The following GAB1 variants were observed in gnomAD, a reference collection of about 807,000 sequenced individuals.
The protein encoded by GAB1 is GRB2 associated binding protein 1.
In GAB1, 19 loss-of-function variants were observed where a neutral mutation model predicts 66.5. That is an observed-to-expected ratio of 0.29 (90% CI 0.20 to 0.42). The LOEUF (loss-of-function observed/expected upper bound fraction) is 0.42. Among genes scored for constraint, GAB1 ranks in the 10% least tolerant of loss-of-function variants. GAB1 has a pLI of 1.00. For missense variants in GAB1, 732 were observed against 858.5 expected (o/e 0.85, Z 1.84); for synonymous variants, 294 against 301.4 (o/e 0.98, Z 0.25).
chr4:143,409,380 G>T (rs1732237425), intron 1 of GAB1, among the ~76,000 whole-genome samples: 1 of 146,378 alleles, frequency 6.8e-6, no homozygotes. Context: ...TAACAACTTT[G>T]AACTTTCCCC....
chr4:143,443,709 A>G (rs1734359151), intron 6 of GAB1, among the ~76,000 whole-genome samples: 1 of 152,216 alleles, frequency 6.6e-6, no homozygotes, highest in African/African-American at 2.4e-5. Context: ...AGCTCCATAT[A>G]ACTAGTTCAT....
intron 2 of GAB1, among the ~76,000 whole-genome samples, chr4:143,432,508 T>C (rs1400043049): frequency 1.3e-5 from 2 of 152,108 alleles, no homozygotes; most frequent in African/African-American, 2.4e-5. Flanking sequence ...CAAAGCGAGA[T>C]GGGGTCTTTC....
intron 6 of GAB1, among the ~76,000 whole-genome samples, chr4:143,451,315 G>A (rs1328611542): frequency 6.6e-6 from 1 of 152,100 alleles, no homozygotes; most frequent in African/African-American, 2.4e-5. Flanking sequence ...GCCCAGAGTC[G>A]TGGGGAGGTA....
At chr4:143,381,719 A>C (rs886541476) in intron 1 of GAB1, among the ~76,000 whole-genome samples, 2 of 152,178 alleles carry the variant, frequency 1.3e-5, no homozygotes, top group African/African-American at 4.8e-5. Flanking sequence ...AATCGTGTGG[A>C]ATGACTATAG....
At chr4:143,421,446 G>A (rs752092527) in intron 2 of GAB1, among the ~76,000 whole-genome samples, 1 of 152,028 alleles carries the variant, frequency 6.6e-6, no homozygotes, top group East Asian at 1.9e-4. Flanking sequence ...CAGTACAGAC[G>A]TATATTTAGC....
At chr4:143,415,001 G>A (rs1732603248) in intron 1 of GAB1, among the ~76,000 whole-genome samples, 1 of 151,998 alleles carries the variant, frequency 6.6e-6, no homozygotes, top group South Asian at 2.1e-4. Flanking sequence ...CGCAGGGCCT[G>A]ACAAATACCA....
chr4:143,425,147 G>A lies in GAB1; in HGVS notation c.368-8344G>A. On this transcript the variant is annotated intron_variant, in intron 2 of 9. Transcript: ENST00000262994. ...TAGGTGGCACCAGTCTTGACTTCCA[G>A]ATGGAATAGTACATCTCTAAAAGGA... 4.9e-6 allele frequency: 4 copies of A among 816,100 alleles called. No individual in the cohort carries two copies. In the South Asian group the frequency reaches 5.3e-5, roughly 11 times the overall value. 50.6% of individuals were successfully genotyped at this position (816,100 alleles called of 1,614,324 possible). A position where few individuals can be genotyped will look rare whatever the true frequency, so the allele number is the denominator to read the frequency against.
At chr4:143,425,127 G>A (rs2149733593) in intron 2 of GAB1, 1 of 825,958 alleles carries the variant, frequency 1.2e-6, no homozygotes, top group East Asian at 2.4e-5. Flanking sequence ...CCACTTAGGT[G>A]GCACCAGTCT....
rs1736188715 is a variant in GAB1 at position 143,474,419 on chromosome 4, G to A, written c.*5230G>A. 6.6e-6 allele frequency: 1 copy of A among 152,152 alleles called. No individual in the cohort carries two copies. The highest frequency in any genetic ancestry group is 2.4e-5 in the African/African-American group (1 of 41,440). 9.4% of individuals were successfully genotyped at this position (152,152 alleles called of 1,614,324 possible). A position where few individuals can be genotyped will look rare whatever the true frequency, so the allele number is the denominator to read the frequency against. On this transcript the variant is annotated 3_prime_UTR_variant, in exon 10 of 10. Transcript: ENST00000262994. Reference sequence around the variant, plus strand: ...CCCACTTTATCAGATATGGTATTGTGATGGTTAATATTATGTGTCAACTTG... The same window carrying A: ...CCCACTTTATCAGATATGGTATTGTAATGGTTAATATTATGTGTCAACTTG...
chr4:143,445,055 G>A (rs140712891), intron 6 of GAB1, among the ~76,000 whole-genome samples: 23 of 152,228 alleles, frequency 1.5e-4, no homozygotes, highest in African/African-American at 3.4e-4. Flanking sequence ...GTGAACATGC[G>A]AGTTCGTGTG....
At chr4:143,373,461 C>G (rs1371541837) in intron 1 of GAB1, among the ~76,000 whole-genome samples, 1 of 152,128 alleles carries the variant, frequency 6.6e-6, no homozygotes, top group African/African-American at 2.4e-5. Context: ...TGCATTTTAT[C>G]CAAACATTTT....
intron 1 of GAB1, among the ~76,000 whole-genome samples, chr4:143,364,929 G>A (rs1729817732): frequency 7.2e-6 from 1 of 139,410 alleles, no homozygotes. Flanking sequence ...CCAGGCTGGA[G>A]TGCAGTGGCG....
chr4:143,366,716 T>TA (rs1180406248), intron 1 of GAB1, among the ~76,000 whole-genome samples: 1 of 152,172 alleles, frequency 6.6e-6, no homozygotes, highest in Non-Finnish European at 1.5e-5. Context: ...TTATCCAAAA[T>TA]GGACTACACT....
At chr4:143,399,630 A>G (rs1360687862) in intron 1 of GAB1, among the ~76,000 whole-genome samples, 1 of 152,174 alleles carries the variant, frequency 6.6e-6, no homozygotes, top group Non-Finnish European at 1.5e-5. Context: ...TTTACATGAC[A>G]TGTTTGCTGC....
At position 143,373,356 on chromosome 4, in the gene GAB1, C is replaced by A. The variant is rs183726347; in HGVS notation, c.72+36096C>A. Among the ~76,000 whole-genome samples, 356 of 152,282 alleles carry A rather than the reference C, an allele frequency of 2.3e-3. 5 individuals carry two copies. Among genetic ancestry groups the A allele is most frequent in the Non-Finnish European group, 1.7e-3 (113 of 68,020 alleles). ...AAAAGAATAATAGCACCAGACCTTT[C>A]CTTCAGATTATAGCAGCTCAATAAT... On this transcript the variant is annotated intron_variant, in intron 1 of 9. Coordinates refer to ENST00000262994, the MANE Select transcript of GAB1 (RefSeq NM_002039.4).
intron 2 of GAB1, among the ~76,000 whole-genome samples, chr4:143,428,712 T>C (rs911367608): frequency 6.6e-6 from 1 of 151,874 alleles, no homozygotes; most frequent in African/African-American, 2.4e-5. Flanking sequence ...TAATGACAAA[T>C]GTATGAGAAG....
chr4:143,345,490 T>G (rs1728957588), intron 1 of GAB1, among the ~76,000 whole-genome samples: 1 of 152,246 alleles, frequency 6.6e-6, no homozygotes, highest in Admixed American at 6.5e-5. Flanking sequence ...AATATTAAAC[T>G]TTGCTTTAAC....
intron 1 of GAB1, among the ~76,000 whole-genome samples, chr4:143,414,161 G>GAATCTGGAGCAGAGAATGTTT (rs1386696124): frequency 1.3e-5 from 2 of 152,052 alleles, no homozygotes; most frequent in African/African-American, 4.8e-5. Context: ...CTAGAATGTT[G>GAATCTGGAGCAGAGAATGTTT]AATCTGGAGC....
At chr4:143,460,079 A>G (rs923952286) in intron 7 of GAB1, among the ~76,000 whole-genome samples, 2 of 152,168 alleles carry the variant, frequency 1.3e-5, no homozygotes, top group African/African-American at 4.8e-5. Flanking sequence ...TAAGTCTTCC[A>G]TTTTATATCT....
Sources: allele counts gnomAD v4.1 joint callset (sites outside exome capture counted in the v4.1 genomes callset), GRCh38; gene constraint gnomAD v4.1.1; transcripts MANE v1.5; gene names NCBI Gene and HGNC (gene_info 2026-07-23, HGNC 2026-07-21).